DOK6: variants seen among roughly 807,000 people sequenced by gnomAD.
The protein encoded by DOK6 is docking protein 6.
A neutral mutation model predicts 44.0 loss-of-function variants in DOK6; 22 were observed. That is an observed-to-expected ratio of 0.50 (90% CI 0.36 to 0.71). DOK6 has a LOEUF of 0.71. DOK6 is among the 30% of genes least tolerant of loss of function. The probability of loss-of-function intolerance (pLI) is 0.00; values close to 1 mark genes in which losing one functional copy is unlikely to be tolerated. For missense variants in DOK6, 340 were observed against 416.4 expected (o/e 0.82, Z 1.60); for synonymous variants, 166 against 145.5 (o/e 1.14, Z -1.01).
chr18:69,735,807 G>A (rs189669236), intron 5 of DOK6, among the ~76,000 whole-genome samples: 12 of 152,230 alleles, frequency 7.9e-5, no homozygotes, highest in Non-Finnish European at 1.2e-4. Flanking sequence ...TATTCCAAAG[G>A]CCCCAGAAAT....
intron 3 of DOK6, among the ~76,000 whole-genome samples, chr18:69,602,897 CCTAT>C (rs1983905650): frequency 6.6e-6 from 1 of 152,162 alleles, no homozygotes; most frequent in Non-Finnish European, 1.5e-5. Flanking sequence ...CTTACACCAT[CCTAT>C]TATAGAATGC....
intron 7 of DOK6, among the ~76,000 whole-genome samples, chr18:69,840,415 T>C (rs1198086959): frequency 6.6e-6 from 1 of 152,104 alleles, no homozygotes; most frequent in African/African-American, 2.4e-5. Context: ...AAAAAACAAA[T>C]AAAGATGAGG....
chr18:69,457,192 C>A (rs1247046639), intron 1 of DOK6, among the ~76,000 whole-genome samples: 1 of 152,070 alleles, frequency 6.6e-6, no homozygotes, highest in Non-Finnish European at 1.5e-5. Flanking sequence ...CTTGCAATTG[C>A]TTTTGGGGAC....
intron 7 of DOK6, among the ~76,000 whole-genome samples, chr18:69,790,621 A>AT (rs1483900803): frequency 4.6e-5 from 7 of 152,054 alleles, no homozygotes; most frequent in Non-Finnish European, 7.4e-5. Context: ...TTGCATTGCT[A>AT]TTGGGCTTTT....
intron 7 of DOK6, among the ~76,000 whole-genome samples, chr18:69,835,091 A>G (rs1415602975): frequency 6.6e-6 from 1 of 152,134 alleles, no homozygotes; most frequent in African/African-American, 2.4e-5. Context: ...CCTCCCGTCA[A>G]GTCTCTCCCT....
Position 69,788,584 on chromosome 18 carries a change from CA to C in DOK6, c.856+30712del, listed in dbSNP as rs1443188634. Among the ~76,000 whole-genome samples the C allele has an allele frequency of 2.0e-5, 3 of 152,252 alleles. No individual in the cohort carries two copies. In the East Asian group the frequency reaches 5.8e-4, roughly 29 times the overall value. ...CTATTTAAACTTGGCACTTAACGAA[CA>C]GAGAGTAAAGCTATCCAAGGCGTCC... On this transcript the variant is annotated intron_variant, in intron 7 of 7. Coordinates refer to ENST00000382713, the MANE Select transcript of DOK6 (RefSeq NM_152721.6).
intron 7 of DOK6, among the ~76,000 whole-genome samples, chr18:69,822,462 A>G (rs1303962051): frequency 7.1e-6 from 1 of 140,680 alleles, no homozygotes; most frequent in East Asian, 2.1e-4. Flanking sequence ...ATGATGTAAA[A>G]AGTTCAGGTG....
At position 69,841,725 on chromosome 18, in the gene DOK6, C is replaced by T. The variant is rs1206653172; in HGVS notation, c.*342C>T. 8.2e-6 allele frequency: 2 copies of T among 243,316 alleles called. No homozygotes were observed. Among genetic ancestry groups the T allele is most frequent in the Non-Finnish European group, 1.7e-5 (2 of 120,994 alleles). The allele number at this position is 243,316 out of a possible 1,614,324, so 15.1% of individuals were successfully genotyped here. On this transcript the variant is annotated 3_prime_UTR_variant, in exon 8 of 8. Coordinates refer to ENST00000382713, the MANE Select transcript of DOK6 (RefSeq NM_152721.6). Reference sequence around the variant, plus strand: ...CACTGGGGTATGCCTGGGTGATGGGCACCTCTCACTGACCTCACAGCGCAG... The same window carrying T: ...CACTGGGGTATGCCTGGGTGATGGGTACCTCTCACTGACCTCACAGCGCAG...
chr18:69,535,835 G>A (rs4891365), intron 1 of DOK6, among the ~76,000 whole-genome samples: 3 of 152,054 alleles, frequency 2.0e-5, no homozygotes, highest in Admixed American at 6.6e-5. Context: ...CACAGGAGAT[G>A]TTATGCAAAA....
intron 1 of DOK6, among the ~76,000 whole-genome samples, chr18:69,482,647 A>G (rs1008819000): frequency 5.9e-5 from 9 of 152,022 alleles, no homozygotes; most frequent in Non-Finnish European, 1.0e-4. Context: ...TGCAGCATAA[A>G]TATGATCCAT....
rs1006913114 is a variant in DOK6 at position 69,845,829 on chromosome 18, G to A, written c.*4446G>A. ...CATTCCCAACAAAGATGTGTCTTTC[G>A]GCTTAGTGAAAAACATTTAACAAGA... On this transcript the variant is annotated 3_prime_UTR_variant, in exon 8 of 8. Coordinates refer to ENST00000382713, the MANE Select transcript of DOK6 (RefSeq NM_152721.6). 1.6e-4 allele frequency: 24 copies of A among 152,086 alleles called. No homozygotes were observed. The highest frequency in any genetic ancestry group is 5.6e-4 in the African/African-American group (23 of 41,400). The allele number at this position is 152,086 out of a possible 1,614,324, so 9.4% of individuals were successfully genotyped here.
chr18:69,824,797 C>T (rs2145127369), intron 7 of DOK6, among the ~76,000 whole-genome samples: 1 of 152,324 alleles, frequency 6.6e-6, no homozygotes, highest in Non-Finnish European at 1.5e-5. Flanking sequence ...CCGCCCTGTC[C>T]TGAGAAAGCC....
intron 4 of DOK6, among the ~76,000 whole-genome samples, chr18:69,683,168 G>GAA (rs774666687): frequency 7.2e-6 from 1 of 139,118 alleles, no homozygotes. Context: ...TTTGCATCAG[G>GAA]AAAAAAAAAA....
At chr18:69,580,299 C>G (rs187636121) in intron 2 of DOK6, among the ~76,000 whole-genome samples, 1 of 152,130 alleles carries the variant, frequency 6.6e-6, no homozygotes, top group African/African-American at 2.4e-5. Context: ...CTTCCTGTTT[C>G]CTTGCTGGCT....
chr18:69,417,314 A>G (rs1450974637), intron 1 of DOK6, among the ~76,000 whole-genome samples: 1 of 152,096 alleles, frequency 6.6e-6, no homozygotes, highest in African/African-American at 2.4e-5. Flanking sequence ...TGAGACACGT[A>G]ACGTTTGTCT....
chr18:69,848,764 C>T lies in DOK6; in HGVS notation c.*7381C>T, dbSNP rs1372285510. On this transcript the variant is annotated 3_prime_UTR_variant, in exon 8 of 8. Coordinates refer to ENST00000382713, the MANE Select transcript of DOK6 (RefSeq NM_152721.6). ...TCTAAAAAATTTACAAATGATATTGCTATGAGGTTGTGCACTATTAAAGTT... is the reference window on the plus strand; with the variant it reads ...TCTAAAAAATTTACAAATGATATTGTTATGAGGTTGTGCACTATTAAAGTT... 6.6e-6 allele frequency: 1 copy of T among 152,086 alleles called. No homozygotes were observed. 9.4% of individuals were successfully genotyped at this position (152,086 alleles called of 1,614,324 possible). A position where few individuals can be genotyped will look rare whatever the true frequency, so the allele number is the denominator to read the frequency against.
intron 2 of DOK6, among the ~76,000 whole-genome samples, chr18:69,568,916 C>T (rs1164972941): frequency 1.3e-5 from 2 of 151,708 alleles, no homozygotes; most frequent in Non-Finnish European, 2.9e-5. Flanking sequence ...AAAACAATCT[C>T]AGGGCTCCCA....
intron 1 of DOK6, among the ~76,000 whole-genome samples, chr18:69,562,011 C>T (rs1004329252): frequency 9.2e-5 from 14 of 152,226 alleles, no homozygotes; most frequent in African/African-American, 2.9e-4. Context: ...CTATTGATTT[C>T]CTCATGGGCA....
At chr18:69,638,173 CATT>C (rs1258751129) in intron 3 of DOK6, among the ~76,000 whole-genome samples, 2 of 152,190 alleles carry the variant, frequency 1.3e-5, no homozygotes, top group Non-Finnish European at 2.9e-5. Flanking sequence ...CATTCAACCT[CATT>C]GTTGTAGTGC....
Sources: gnomAD v4.1 joint callset for allele counts (sites outside exome capture counted in the v4.1 genomes callset) on GRCh38, gnomAD v4.1.1 for gene constraint, MANE v1.5 for transcripts, NCBI Gene and HGNC (gene_info 2026-07-23, HGNC 2026-07-21) for gene names.